The following SLC9A4 variants were observed in gnomAD, a reference collection of about 807,000 sequenced individuals.
SLC9A4 encodes sodium/hydrogen exchanger 4.
In SLC9A4, 63 loss-of-function variants were observed where a neutral mutation model predicts 67.4. The observed-to-expected ratio is 0.93, with a 90% CI of 0.76 to 1.15. The LOEUF is 1.15. Among genes scored for constraint, SLC9A4 ranks in the 50% most tolerant of loss-of-function variants. The pLI is 0.00. For synonymous variants in SLC9A4, 393 were observed against 367.2 expected (o/e 1.07, Z -0.80); for missense variants, 1,089 against 987.7 (o/e 1.10, Z -1.38).
Position 102,514,170 on chromosome 2 carries a change from A to G in SLC9A4, c.1640A>G (p.Tyr547Cys). The part of the protein sequence containing the change: ...NLPKSSIVSL[Y>C]KKLEMKQAIE... Reference sequence around the variant, plus strand: ...CCCAAATCAAGCATTGTTTCTTTGTACAAGAAGCTGGAAATGAAGCAAGCC... The same window carrying G: ...CCCAAATCAAGCATTGTTTCTTTGTGCAAGAAGCTGGAAATGAAGCAAGCC... The change falls in exon 8 of 12, where the codon TAC becomes TGC. Residue 547 changes from tyrosine (Y) to cysteine (C), a missense_variant. Physicochemically the swap from Tyr to Cys is radical, Grantham distance 194. Transcript: ENST00000295269. 1.2e-6 allele frequency: 2 copies of G among 1,614,148 alleles called. No homozygotes were observed. The highest frequency in any genetic ancestry group is 1.7e-6 in the Non-Finnish European group (2 of 1,180,014).
chr2:102,503,257 C>T (rs1307103710), intron 2 of SLC9A4, among the ~76,000 whole-genome samples, 191 bp from the exon 3 acceptor site: 1 of 152,208 alleles, frequency 6.6e-6, no homozygotes, highest in African/African-American at 2.4e-5. Flanking sequence ...GAGTATTACA[C>T]TTTTTATTCA....
intron 2 of SLC9A4, among the ~76,000 whole-genome samples, chr2:102,500,306 C>G (rs1399232852): frequency 1.3e-5 from 2 of 152,136 alleles, no homozygotes; most frequent in Non-Finnish European, 2.9e-5. Flanking sequence ...GGGCCCTCCC[C>G]TAACGCCTTC....
rs750736665 is a variant in SLC9A4 at position 102,519,886 on chromosome 2, A to C, written c.1749A>C (p.Arg583Ser). The C allele has an allele frequency of 6.2e-6, 10 of 1,613,810 alleles. No individual in the cohort carries two copies. The highest frequency in any genetic ancestry group is 1.7e-5 in the Admixed American group (1 of 60,022). ...CCCAGAGGATACAAGGAATCAAAAG[A>C]CTTTCCCCTGAAGATGTGGAGTCCA... ...HQAQRIQGIK[R>S]LSPEDVESIR... is the part of the protein sequence containing the mutation. Residue 583 changes from arginine (R) to serine (S), a missense_variant, in exon 9 of 12, where the codon AGA becomes AGC. By Grantham distance (110) the Arg-to-Ser change is moderately radical. Coordinates refer to ENST00000295269, the MANE Select transcript of SLC9A4 (RefSeq NM_001011552.4).
intron 2 of SLC9A4, among the ~76,000 whole-genome samples, chr2:102,497,863 A>G (rs1684843516): frequency 6.6e-6 from 1 of 152,222 alleles, no homozygotes; most frequent in Non-Finnish European, 1.5e-5. Context: ...CACATTTGGA[A>G]TTGACTCTTC....
chr2:102,501,103 C>T (rs1684928677), intron 2 of SLC9A4, among the ~76,000 whole-genome samples: 1 of 151,846 alleles, frequency 6.6e-6, no homozygotes. Context: ...GGATTACAGG[C>T]ATGCGCCACC....
At chr2:102,507,366 C>A (rs953648718) in intron 4 of SLC9A4, among the ~76,000 whole-genome samples, 1 of 152,322 alleles carries the variant, frequency 6.6e-6, no homozygotes, top group African/African-American at 2.4e-5. Flanking sequence ...TAGTGAGGAC[C>A]TTTCCTAGCA....
chr2:102,488,762 T>A (rs1684641783), intron 2 of SLC9A4, among the ~76,000 whole-genome samples: 1 of 152,128 alleles, frequency 6.6e-6, no homozygotes, highest in Non-Finnish European at 1.5e-5. Flanking sequence ...CTAGCCAGGA[T>A]GGTCTCGATC....
intron 9 of SLC9A4, among the ~76,000 whole-genome samples, chr2:102,520,969 C>G (rs772782862): frequency 6.6e-6 from 1 of 152,200 alleles, no homozygotes; most frequent in Non-Finnish European, 1.5e-5. Flanking sequence ...GGCTCTGCAC[C>G]AGCTGGAGGA....
At chr2:102,496,538 A>G (rs1470809267) in intron 2 of SLC9A4, among the ~76,000 whole-genome samples, 1 of 152,244 alleles carries the variant, frequency 6.6e-6, no homozygotes, top group Admixed American at 6.5e-5. Context: ...GAGACTTAGG[A>G]ACAGAAGCTA....
intron 11 of SLC9A4, among the ~76,000 whole-genome samples, chr2:102,529,793 C>T (rs753913684): frequency 3.3e-5 from 5 of 152,192 alleles, no homozygotes; most frequent in Non-Finnish European, 7.3e-5. Flanking sequence ...TCCCCTTGCC[C>T]TCCAGGGTCA....
intron 8 of SLC9A4, among the ~76,000 whole-genome samples, chr2:102,516,026 C>G (rs983242673): frequency 6.6e-5 from 10 of 152,244 alleles, no homozygotes; most frequent in Admixed American, 3.9e-4. Flanking sequence ...TATGTGAGCC[C>G]TTGGTTTCGG....
Position 102,512,284 on chromosome 2 carries a change from T to G in SLC9A4, c.1559+11T>G. ...CCAAGTGAGAGACAAGTAAGGAGGC[T>G]GAGGGTTTCACTCCCTGACAAACTT... On this transcript the variant is annotated intron_variant, in intron 7 of 11. Coordinates refer to ENST00000295269, the MANE Select transcript of SLC9A4 (RefSeq NM_001011552.4). 1 of 1,613,356 alleles carries G rather than the reference T, an allele frequency of 6.2e-7. No individual in the cohort carries two copies. The highest frequency in any genetic ancestry group is 8.5e-7 in the Non-Finnish European group (1 of 1,179,576).
At chr2:102,524,989 G>A in intron 9 of SLC9A4, 35 bp from the exon 10 acceptor site, 1 of 1,612,366 alleles carries the variant, frequency 6.2e-7, no homozygotes, top group South Asian at 1.1e-5. Flanking sequence ...GTATGGAGGA[G>A]TCCTTACGTA....
intron 2 of SLC9A4, among the ~76,000 whole-genome samples, chr2:102,482,036 C>T (rs1375774180): frequency 2.0e-5 from 3 of 152,166 alleles, no homozygotes; most frequent in South Asian, 2.1e-4. Flanking sequence ...TTATTCATAG[C>T]GAGAATCCCT....
At chr2:102,512,079 T>A in intron 6 of SLC9A4, 124 bp from the exon 7 acceptor site, 2 of 932,906 alleles carry the variant, frequency 2.1e-6, no homozygotes, top group Non-Finnish European at 3.3e-6. Context: ...AACACAGTGA[T>A]AGAAAGTCAG....
chr2:102,490,511 G>A (rs1437582119), intron 2 of SLC9A4, among the ~76,000 whole-genome samples: 1 of 152,140 alleles, frequency 6.6e-6, no homozygotes, highest in Non-Finnish European at 1.5e-5. Context: ...ATTGGATTAA[G>A]GCCCCACCCT....
Position 102,473,927 on chromosome 2 carries a change from G to A in SLC9A4, c.168G>A (p.Gly56=), listed in dbSNP as rs1684274555. 8 of 1,613,942 alleles carry A rather than the reference G, an allele frequency of 5.0e-6. No individual in the cohort carries two copies. The highest frequency in any genetic ancestry group is 2.7e-5 in the African/African-American group (2 of 74,914). Residue 56 remains glycine (G), a synonymous_variant, in exon 1 of 12, where the codon GGG becomes GGA. Coordinates refer to ENST00000295269, the MANE Select transcript of SLC9A4 (RefSeq NM_001011552.4). ...CTGCCAGCTCAGAGCCAGAGGAAGGGATATCTGTTTTTGAACTGGATTATG... is the reference window on the plus strand; with the variant it reads ...CTGCCAGCTCAGAGCCAGAGGAAGGAATATCTGTTTTTGAACTGGATTATG... ...FAAASSEPEE[G]ISVFELDYDY...
At chr2:102,474,669 A>G (rs918647339) in intron 1 of SLC9A4, among the ~76,000 whole-genome samples, 1 of 152,226 alleles carries the variant, frequency 6.6e-6, no homozygotes, top group African/African-American at 2.4e-5. Context: ...ATTCCAATCA[A>G]GGGATCTTTG....
At chr2:102,518,522 G>T (rs901555507) in intron 8 of SLC9A4, among the ~76,000 whole-genome samples, 1 of 152,114 alleles carries the variant, frequency 6.6e-6, no homozygotes, top group Non-Finnish European at 1.5e-5. Context: ...AATAGAGGTG[G>T]CATTTGCAGC....
Sources: gnomAD v4.1 joint callset for allele counts (sites outside exome capture counted in the v4.1 genomes callset) on GRCh38, gnomAD v4.1.1 for gene constraint, MANE v1.5 for transcripts, NCBI Gene and HGNC (gene_info 2026-07-23, HGNC 2026-07-21) for gene names.